The following SIK3 variants were observed in gnomAD, a reference collection of about 807,000 sequenced individuals.
SIK3 encodes SIK family kinase 3.
Under a neutral mutation model 144.2 loss-of-function variants are expected in SIK3, and 28 were observed. The ratio of observed to expected loss-of-function variants is 0.19; its 90% CI spans 0.14 to 0.27. The LOEUF (loss-of-function observed/expected upper bound fraction) is 0.27, where lower values mean the gene tolerates loss of function less well. Among genes scored for constraint, SIK3 ranks in the 10% least tolerant of loss-of-function variants. The pLI is 1.00. For synonymous variants in SIK3, 686 were observed against 676.3 expected (o/e 1.01, Z -0.22); for missense variants, 1,319 against 1,776.0 (o/e 0.74, Z 4.62).
At chr11:117,015,851 G>A (rs972521784) in intron 1 of SIK3, 8 of 152,184 alleles carry the variant, frequency 5.3e-5, no homozygotes, top group African/African-American at 1.7e-4. Flanking sequence ...TTACAAGCGT[G>A]AGCCACCGTG....
intron 1 of SIK3, among the ~76,000 whole-genome samples, chr11:116,978,127 A>G (rs965751522): frequency 6.6e-6 from 1 of 152,080 alleles, no homozygotes; most frequent in Non-Finnish European, 1.5e-5. Context: ...CTGAGGCAGG[A>G]GAATTGCTTG....
At chr11:117,064,904 C>T (rs1300862477) in intron 1 of SIK3, among the ~76,000 whole-genome samples, 1 of 152,112 alleles carries the variant, frequency 6.6e-6, no homozygotes, top group African/African-American at 2.4e-5. Context: ...AATCCCAGCA[C>T]TTTGGGAAGC....
At chr11:117,084,309 G>A (rs1311759708) in intron 1 of SIK3, among the ~76,000 whole-genome samples, 1 of 152,136 alleles carries the variant, frequency 6.6e-6, no homozygotes, top group African/African-American at 2.4e-5. Flanking sequence ...CTGTGGCCCA[G>A]GCTGCAGTAC....
intron 1 of SIK3, among the ~76,000 whole-genome samples, chr11:117,021,793 A>T (rs1445210779): frequency 6.6e-6 from 1 of 151,818 alleles, no homozygotes; most frequent in Admixed American, 6.6e-5. Flanking sequence ...CGTCATCTCT[A>T]AAAAAACAGA....
At chr11:116,872,130 AAC>A (rs886593432) in intron 13 of SIK3, among the ~76,000 whole-genome samples, 1 of 152,210 alleles carries the variant, frequency 6.6e-6, no homozygotes. Flanking sequence ...GGTGGGGGAA[AAC>A]ACAGGGAATG....
intron 1 of SIK3, among the ~76,000 whole-genome samples, chr11:117,046,743 G>A (rs1485670253): frequency 5.3e-5 from 8 of 152,152 alleles, no homozygotes; most frequent in South Asian, 2.1e-4. Flanking sequence ...AGTCACACAC[G>A]GTGGTACTCG....
intron 14 of SIK3, chr11:116,869,712 A>G (rs763786866): frequency 1.3e-5 from 2 of 159,136 alleles, no homozygotes; most frequent in Non-Finnish European, 2.8e-5. Context: ...ACTGAGGCCA[A>G]ATGAACAGTA....
At chr11:117,048,715 C>G (rs577600445) in intron 1 of SIK3, among the ~76,000 whole-genome samples, 1 of 152,092 alleles carries the variant, frequency 6.6e-6, no homozygotes, top group Non-Finnish European at 1.5e-5. Context: ...CCAGTATCTA[C>G]TAAGAAAGGT....
intron 6 of SIK3, among the ~76,000 whole-genome samples, chr11:116,893,457 G>T (rs192484667): frequency 6.6e-6 from 1 of 151,858 alleles, no homozygotes; most frequent in Admixed American, 6.6e-5. Flanking sequence ...CAGGCAGATC[G>T]CCTGAACTCA....
intron 4 of SIK3, among the ~76,000 whole-genome samples, chr11:116,900,589 G>A (rs1227991915): frequency 6.6e-6 from 1 of 151,982 alleles, no homozygotes; most frequent in African/African-American, 2.4e-5. Context: ...TTTATCCCTG[G>A]CCATGCTAGC....
intron 1 of SIK3, among the ~76,000 whole-genome samples, chr11:117,058,669 G>A (rs1442853482): frequency 6.6e-6 from 1 of 152,136 alleles, no homozygotes; most frequent in Non-Finnish European, 1.5e-5. Context: ...ACGAACCAAA[G>A]GAAAATGTGG....
chr11:116,939,781 T>C lies in SIK3; in HGVS notation c.455-12401A>G, dbSNP rs577455296. ...TCAGCCAAATTCCAAATGTAGGACA[T>C]TTTTTAAGACAATCCAGTTTCTTAC... is the stretch of plus-strand genomic sequence containing the variant. On this transcript the variant is annotated intron_variant, in intron 3 of 24. Coordinates refer to ENST00000445177, the MANE Select transcript of SIK3 (RefSeq NM_001366686.3). Among the ~76,000 whole-genome samples the C allele has an allele frequency of 7.2e-4, 109 of 152,294 alleles. 1 individual carries two copies. The highest frequency in any genetic ancestry group is 2.5e-3 in the African/African-American group (102 of 41,580).
At chr11:116,869,893 G>A in intron 14 of SIK3, 1 of 359,928 alleles carries the variant, frequency 2.8e-6, no homozygotes, top group Non-Finnish European at 5.4e-6. Flanking sequence ...CAGTACAAGA[G>A]GTATTCATTC....
chr11:117,057,210 C>T (rs979307499), intron 1 of SIK3, among the ~76,000 whole-genome samples: 2 of 152,292 alleles, frequency 1.3e-5, no homozygotes, highest in Admixed American at 1.3e-4. Flanking sequence ...GAAGATTTAA[C>T]TACTAGCAGT....
rs1480698548 is a variant in SIK3 at position 116,897,229 on chromosome 11, T to C, written c.705A>G (p.Glu235=). 3 of 1,614,052 alleles carry C rather than the reference T, an allele frequency of 1.9e-6. No individual in the cohort carries two copies. The South Asian group carries it at 3.3e-5, about 18-fold the overall frequency. ...CTTTGGGCCCATCATATTCTTTTCC[T>C]TCAAAGAGTTCAGGTGCAGCATAGG... ...SPPYAAPELF[E]GKEYDGPKVD... is the part of the protein sequence containing the mutation. The change falls in exon 5 of 25, where the codon GAA becomes GAG. Residue 235 remains glutamate (E), a synonymous_variant. Transcript: ENST00000445177.
At chr11:116,944,954 A>C (rs1181616345) in intron 3 of SIK3, among the ~76,000 whole-genome samples, 1 of 149,028 alleles carries the variant, frequency 6.7e-6, no homozygotes, top group African/African-American at 2.5e-5. Flanking sequence ...CACTAGCTAC[A>C]TTTCTTTTTT....
At chr11:116,955,537 G>A (rs1949107738) in intron 2 of SIK3, among the ~76,000 whole-genome samples, 1 of 152,204 alleles carries the variant, frequency 6.6e-6, no homozygotes, top group Admixed American at 6.5e-5. Context: ...GGGTAAGACA[G>A]GCAAACTTGC....
chr11:116,854,699 G>C (rs968466683), intron 21 of SIK3, among the ~76,000 whole-genome samples: 1 of 152,176 alleles, frequency 6.6e-6, no homozygotes, highest in Non-Finnish European at 1.5e-5. Context: ...GCAGAGTGGT[G>C]GGGGCACAGC....
At position 116,857,815 on chromosome 11, in the gene SIK3, C is replaced by T. The variant is rs199982854; in HGVS notation, c.3650G>A (p.Ser1217Asn). The change falls in exon 21 of 25, where the codon AGC becomes AAC. Residue 1217 changes from serine to asparagine, a missense_variant. Coordinates refer to ENST00000445177, the MANE Select transcript of SIK3 (RefSeq NM_001366686.3). Reference sequence around the variant, plus strand: ...CACTGTGAGGAGACACTTACCTCTGCTGGGCACCTTATTTTTACTGAATGC... The same window carrying T: ...CACTGTGAGGAGACACTTACCTCTGTTGGGCACCTTATTTTTACTGAATGC... ...TAAFSKNKVP[S>N]REPVIGNCMD... 3.2e-4 allele frequency: 510 copies of T among 1,614,102 alleles called. No individual in the cohort carries two copies. Among genetic ancestry groups the T allele is most frequent in the Non-Finnish European group, 4.1e-4 (486 of 1,179,946 alleles).
Sources: allele counts gnomAD v4.1 joint callset (sites outside exome capture counted in the v4.1 genomes callset), GRCh38; gene constraint gnomAD v4.1.1; transcripts MANE v1.5; gene names NCBI Gene and HGNC (gene_info 2026-07-23, HGNC 2026-07-21).